Variants in LMO3 observed in about 807,000 individuals in gnomAD.
LMO3 encodes the protein LIM domain only 3.
LMO3 carries 2 observed loss-of-function variants against 15.8 expected under a neutral mutation model. That is an observed-to-expected ratio of 0.13 (90% CI 0.05 to 0.40). LMO3 has a LOEUF of 0.40. Among genes scored for constraint, LMO3 ranks in the 10% least tolerant of loss-of-function variants. The pLI, the probability that LMO3 is intolerant of heterozygous loss-of-function variation, is 0.99. For missense variants in LMO3, 86 were observed against 182.2 expected (o/e 0.47, Z 3.04); for synonymous variants, 62 against 63.8 (o/e 0.97, Z 0.13).
chr12:16,609,043 G>A (rs1228302808), upstream of LMO3: 2 of 152,098 alleles, frequency 1.3e-5, no homozygotes, highest in African/African-American at 4.8e-5. Flanking sequence ...AGAAGGGAGA[G>A]AGATAGAAAA....
chr12:16,570,231 G>GT (rs1426906013), intron 2 of LMO3, among the ~76,000 whole-genome samples: 2 of 152,052 alleles, frequency 1.3e-5, no homozygotes, highest in African/African-American at 2.4e-5. Context: ...AACTTTTTAT[G>GT]TAAGTAATAC....
intron 2 of LMO3, among the ~76,000 whole-genome samples, chr12:16,570,086 A>G (rs578173964): frequency 1.3e-5 from 2 of 152,308 alleles, no homozygotes; most frequent in South Asian, 4.1e-4. Flanking sequence ...CAGCCACAGT[A>G]CAATTAATGC....
At chr12:16,556,992 C>T (rs998161287) in intron 3 of LMO3, among the ~76,000 whole-genome samples, 7 of 152,116 alleles carry the variant, frequency 4.6e-5, no homozygotes, top group Non-Finnish European at 5.9e-5. Flanking sequence ...AGAATGTGAA[C>T]AGTTTTAGAG....
chr12:16,556,410 G>A (rs1942191148), intron 3 of LMO3, among the ~76,000 whole-genome samples: 1 of 151,946 alleles, frequency 6.6e-6, no homozygotes, highest in African/African-American at 2.4e-5. Flanking sequence ...AAGGGGCAGA[G>A]GAGATCTATA....
Position 16,591,298 on chromosome 12 carries a change from C to G in LMO3, c.206+9357G>C, listed in dbSNP as rs1192060401. ...ATGTTCCTGAGCCCAGAATGTCCTT[C>G]CCATACGTGATCATGGCTAGCTCCT... On this transcript the variant is annotated intron_variant, in intron 2 of 3. Coordinates refer to ENST00000537304, the MANE Select transcript of LMO3 (RefSeq NM_018640.5). The surrounding 1 kb of genome is among the most constrained non-coding windows in gnomAD (Gnocchi z 4.1). 3.9e-5 allele frequency among the ~76,000 whole-genome samples: 6 copies of G among 151,974 alleles called. No homozygotes were observed. Among genetic ancestry groups the G allele is most frequent in the Admixed American group, 3.3e-4 (5 of 15,230 alleles).
At chr12:16,595,690 G>A (rs1261103998) in intron 2 of LMO3, among the ~76,000 whole-genome samples, 1 of 151,300 alleles carries the variant, frequency 6.6e-6, no homozygotes, top group Non-Finnish European at 1.5e-5. Flanking sequence ...CAGATATGGA[G>A]TTCAATATGC....
At chr12:16,606,960 T>A, upstream of LMO3, 1 of 152,166 alleles carries the variant, frequency 6.6e-6, no homozygotes, top group East Asian at 1.9e-4. Context: ...AAGCTACCAA[T>A]TATGGAAATT....
At position 16,603,345 on chromosome 12, in the gene LMO3, T is replaced by A. The variant is rs544302780; in HGVS notation, c.-8-2477A>T. 6.6e-6 allele frequency among the ~76,000 whole-genome samples: 1 copy of A among 152,182 alleles called. No individual in the cohort carries two copies. Among genetic ancestry groups the A allele is most frequent in the East Asian group, 1.9e-4 (1 of 5,188 alleles). Reference sequence around the variant, plus strand: ...CTTGAATTCCATGCAAGTTAACAATTGTAGCAAAAGAACTATTTTGTAGTC... The same window carrying A: ...CTTGAATTCCATGCAAGTTAACAATAGTAGCAAAAGAACTATTTTGTAGTC... On this transcript the variant is annotated intron_variant, in intron 1 of 3. Transcript: ENST00000537304. The surrounding 1 kb of genome is among the most constrained non-coding windows in gnomAD (Gnocchi z 4.9).
intron 2 of LMO3, among the ~76,000 whole-genome samples, chr12:16,594,945 A>C (rs1366498958): frequency 6.6e-6 from 1 of 151,570 alleles, no homozygotes; most frequent in Non-Finnish European, 1.5e-5. Context: ...TCTAAGAGCA[A>C]CCAAAAATAG....
intron 2 of LMO3, among the ~76,000 whole-genome samples, chr12:16,580,847 T>C (rs1314075573): frequency 6.6e-6 from 1 of 152,226 alleles, no homozygotes; most frequent in Admixed American, 6.5e-5. Context: ...TAAAAGCTTT[T>C]ATTAATTATA....
At chr12:16,558,858 AAATT>A (rs1422561769) in intron 3 of LMO3, among the ~76,000 whole-genome samples, 1 of 152,174 alleles carries the variant, frequency 6.6e-6, no homozygotes, top group African/African-American at 2.4e-5. Flanking sequence ...CATTTAATAT[AAATT>A]AATTATTTCA....
At chr12:16,567,842 A>C (rs889232207) in intron 2 of LMO3, among the ~76,000 whole-genome samples, 5 of 152,108 alleles carry the variant, frequency 3.3e-5, no homozygotes, top group Non-Finnish European at 5.9e-5. Context: ...ACAGAACACC[A>C]CCAGGCAGCA....
chr12:16,599,263 C>A lies in LMO3; in HGVS notation c.206+1392G>T, dbSNP rs1361351038. The A allele has an allele frequency of 2.0e-5, 3 of 152,258 alleles. No individual in the cohort carries two copies. Among genetic ancestry groups the A allele is most frequent in the Admixed American group, 6.5e-5 (1 of 15,274 alleles). The allele number at this position is 152,258 out of a possible 1,614,324, so 9.4% of individuals were successfully genotyped here. A position where few individuals can be genotyped will look rare whatever the true frequency, so the allele number is the denominator to read the frequency against. On this transcript the variant is annotated intron_variant, in intron 2 of 3. Coordinates refer to ENST00000537304, the MANE Select transcript of LMO3 (RefSeq NM_018640.5). The surrounding 1 kb of genome is among the most constrained non-coding windows in gnomAD (Gnocchi z 4.1). The stretch of plus-strand genomic sequence containing the variant: ...AGAGAGTGACTTCTCATTGTTGGCA[C>A]CTTGCATGTGTTTTACGCACTTGGA...
At position 16,582,879 on chromosome 12, in the gene LMO3, C is replaced by G. The variant is rs1039185406; in HGVS notation, c.206+17776G>C. ...CCTGGCCAACATGGCGAAACCCCGT[C>G]TCTACTAAAATAAAAAAATTAGCCG... On this transcript the variant is annotated intron_variant, in intron 2 of 3. Coordinates refer to ENST00000537304, the MANE Select transcript of LMO3 (RefSeq NM_018640.5). The surrounding 1 kb of genome is among the most constrained non-coding windows in gnomAD (Gnocchi z 4.1). 1.3e-5 allele frequency among the ~76,000 whole-genome samples: 2 copies of G among 151,964 alleles called. No individual in the cohort carries two copies. The highest frequency in any genetic ancestry group is 4.8e-5 in the African/African-American group (2 of 41,402).
In LMO3 at chr12:16,576,541, T is replaced by C. The variant is rs749947036; in HGVS notation, c.207-16003A>G. Among the ~76,000 whole-genome samples the C allele has an allele frequency of 1.3e-5, 2 of 152,228 alleles. No homozygotes were observed. The highest frequency in any genetic ancestry group is 6.5e-5 in the Admixed American group (1 of 15,286). Reference sequence around the variant, plus strand: ...ACACTTCTTTAGACATTTAAGCACTTGTTTTCATATACTACTTCATCTTTC... The same window carrying C: ...ACACTTCTTTAGACATTTAAGCACTCGTTTTCATATACTACTTCATCTTTC... On this transcript the variant is annotated intron_variant, in intron 2 of 3. Coordinates refer to ENST00000537304, the MANE Select transcript of LMO3 (RefSeq NM_018640.5). The surrounding 1 kb of genome is among the most constrained non-coding windows in gnomAD (Gnocchi z 4.1).
rs931525766 is a variant in LMO3 at position 16,586,090 on chromosome 12, T to C, written c.206+14565A>G. On this transcript the variant is annotated intron_variant, in intron 2 of 3. Transcript: ENST00000537304. The surrounding 1 kb of genome is among the most constrained non-coding windows in gnomAD (Gnocchi z 4.3). ...TTGATGTACAATTCCATAAAAATTT[T>C]TGAGGGGCCAAAACAATAGGGGTCA... is the stretch of plus-strand genomic sequence containing the variant. Among the ~76,000 whole-genome samples, 9 of 152,098 alleles carry C rather than the reference T, an allele frequency of 5.9e-5. No homozygotes were observed. The highest frequency in any genetic ancestry group is 1.2e-4 in the Non-Finnish European group (8 of 68,022).
At chr12:16,564,014 G>A (rs1942497917) in intron 2 of LMO3, among the ~76,000 whole-genome samples, 1 of 152,066 alleles carries the variant, frequency 6.6e-6, no homozygotes, top group African/African-American at 2.4e-5. Flanking sequence ...CCAAAAGTAG[G>A]CTTATAATGT....
intron 3 of LMO3, 87 bp from the exon 4 acceptor site, chr12:16,551,414 T>G (rs896469186): frequency 2.2e-5 from 17 of 789,228 alleles, no homozygotes; most frequent in Non-Finnish European, 3.2e-5. Context: ...ATTAATAGTT[T>G]CGCATGGTAA....
At chr12:16,574,925 G>C (rs1192196445) in intron 2 of LMO3, among the ~76,000 whole-genome samples, 2 of 152,080 alleles carry the variant, frequency 1.3e-5, no homozygotes, top group African/African-American at 4.8e-5. Context: ...TATGTGTTCT[G>C]ATACCTAGAA....
Sources: allele counts gnomAD v4.1 joint callset (sites outside exome capture counted in the v4.1 genomes callset), GRCh38; gene constraint gnomAD v4.1.1; non-coding constraint Gnocchi (gnomAD v3.1); transcripts MANE v1.5; gene names NCBI Gene and HGNC (gene_info 2026-07-23, HGNC 2026-07-21).